Variants in SP4 observed in about 807,000 individuals in gnomAD.
SP4 encodes transcription factor Sp4.
Under a neutral mutation model 72.8 loss-of-function variants are expected in SP4, and 19 were observed. The ratio of observed to expected loss-of-function variants is 0.26; its 90% confidence interval spans 0.18 to 0.38. The LOEUF (loss-of-function observed/expected upper bound fraction) is 0.38. Among genes scored for constraint, SP4 ranks in the 10% least tolerant of loss-of-function variants. The pLI is 1.00. For synonymous variants in SP4, 395 were observed against 333.1 expected (o/e 1.19, Z -2.02); for missense variants, 1,008 against 926.3 (o/e 1.09, Z -1.14).
intron 3 of SP4, among the ~76,000 whole-genome samples, 186 bp downstream of exon 3, chr7:21,431,029 G>C (rs779744326): frequency 6.6e-6 from 1 of 152,014 alleles, no homozygotes; most frequent in Admixed American, 6.5e-5. Flanking sequence ...GTTCACTTTT[G>C]TAGATTTTAT....
chr7:21,497,661 A>G (rs544880066), intron 5 of SP4, among the ~76,000 whole-genome samples: 4 of 152,294 alleles, frequency 2.6e-5, no homozygotes, highest in Non-Finnish European at 5.9e-5. Context: ...TCTTTGTGAC[A>G]TGTTGAATGA....
intron 3 of SP4, among the ~76,000 whole-genome samples, chr7:21,445,982 ATGTGTATGTGTGTGTGTGTGTGTGTG>A (rs1783412036): frequency 9.9e-6 from 1 of 100,832 alleles, no homozygotes; most frequent in African/African-American, 4.1e-5. Context: ...TGTGTATCTT[ATGTGTATGTGTGTGTGTGTGTGTGTG>A]TGTGTGTGTG....
chr7:21,434,532 A>G (rs569980298), intron 3 of SP4, among the ~76,000 whole-genome samples: 21 of 152,328 alleles, frequency 1.4e-4, no homozygotes, highest in Admixed American at 2.6e-4. Context: ...TGTAGTAGGA[A>G]CTAAATATGT....
Position 21,514,185 on chromosome 7 carries a change from T to G in SP4, c.*2916T>G, listed in dbSNP as rs1160983990. The G allele has an allele frequency of 2.0e-5, 3 of 152,628 alleles. No individual in the cohort carries two copies. In the East Asian group the frequency reaches 5.8e-4, roughly 29 times the overall value. 9.5% of individuals were successfully genotyped at this position (152,628 alleles called of 1,614,324 possible). A position where few individuals can be genotyped will look rare whatever the true frequency, so the allele number is the denominator to read the frequency against. ...TGCTGATTACATTAGAACTTGATGT[T>G]AAGTCATTTATCACACTCTCATGAG... On this transcript the variant is annotated 3_prime_UTR_variant, in exon 6 of 6. Transcript: ENST00000222584.
chr7:21,452,227 C>A (rs1227631892), intron 3 of SP4, among the ~76,000 whole-genome samples: 6 of 152,152 alleles, frequency 3.9e-5, no homozygotes, highest in African/African-American at 1.2e-4. Context: ...GCAAAATAAG[C>A]TTTAGTTCTG....
intron 2 of SP4, among the ~76,000 whole-genome samples, chr7:21,429,076 T>G (rs996972558): frequency 6.6e-6 from 1 of 152,118 alleles, no homozygotes; most frequent in African/African-American, 2.4e-5. Context: ...GTAAAGAAAT[T>G]TCCTTTTATT....
At chr7:21,499,449 G>C (rs868433627) in intron 5 of SP4, among the ~76,000 whole-genome samples, 3 of 152,152 alleles carry the variant, frequency 2.0e-5, no homozygotes, top group African/African-American at 4.8e-5. Flanking sequence ...GAAGACACAG[G>C]GGAAAAGTCC....
At chr7:21,485,516 A>AG (rs1784791100) in intron 5 of SP4, among the ~76,000 whole-genome samples, 1 of 152,000 alleles carries the variant, frequency 6.6e-6, no homozygotes, top group African/African-American at 2.4e-5. Context: ...ACTGTCATGT[A>AG]TCTAAATCAT....
chr7:21,509,403 T>G (rs1782088063), intron 5 of SP4, among the ~76,000 whole-genome samples: 1 of 152,176 alleles, frequency 6.6e-6, no homozygotes, highest in Admixed American at 6.5e-5. Context: ...TTCTCTCTTT[T>G]ATAGTTTCTA....
intron 3 of SP4, among the ~76,000 whole-genome samples, chr7:21,435,502 G>A (rs1783020683): frequency 6.6e-6 from 1 of 152,088 alleles, no homozygotes; most frequent in Admixed American, 6.5e-5. Flanking sequence ...TACTAAAGGT[G>A]GAAAATTGGC....
At chr7:21,489,222 T>A (rs915186311) in intron 5 of SP4, among the ~76,000 whole-genome samples, 1 of 152,228 alleles carries the variant, frequency 6.6e-6, no homozygotes, top group African/African-American at 2.4e-5. Flanking sequence ...TCTGTAAAAT[T>A]CATTTGGGAA....
chr7:21,451,873 A>G (rs1272613366), intron 3 of SP4, among the ~76,000 whole-genome samples: 5 of 152,090 alleles, frequency 3.3e-5, no homozygotes, highest in Admixed American at 2.6e-4. Flanking sequence ...GAATTCTGAG[A>G]CTCCCAACAT....
chr7:21,478,802 G>T (rs114398621), intron 4 of SP4, among the ~76,000 whole-genome samples: 14,114 of 152,172 alleles, frequency 0.093, 1,372 homozygotes, highest in East Asian at 0.28. Flanking sequence ...GGGCGCAGTG[G>T]CTCACGCCTG....
rs762235421 is a variant in SP4 at position 21,471,082 on chromosome 7, G to C, written c.1679-5997G>C. The C allele has an allele frequency of 4.1e-5, 22 of 534,692 alleles. No homozygotes were observed. In the East Asian group the frequency reaches 1.1e-3, roughly 28 times the overall value. 33.1% of individuals were successfully genotyped at this position (534,692 alleles called of 1,614,324 possible). On this transcript the variant is annotated intron_variant, in intron 3 of 5. Coordinates refer to ENST00000222584, the MANE Select transcript of SP4 (RefSeq NM_003112.5). Reference sequence around the variant, plus strand: ...TATTATTCAAATGCTCGGAGACACAGAACATTAGAGAAGACAGGAGTTCAC... The same window carrying C: ...TATTATTCAAATGCTCGGAGACACACAACATTAGAGAAGACAGGAGTTCAC...
At chr7:21,453,141 AG>A (rs1783653120) in intron 3 of SP4, among the ~76,000 whole-genome samples, 1 of 152,238 alleles carries the variant, frequency 6.6e-6, no homozygotes, top group Non-Finnish European at 1.5e-5. Context: ...ACAAAGAATT[AG>A]CAATGTTTTA....
At chr7:21,437,131 A>C (rs530844080) in intron 3 of SP4, among the ~76,000 whole-genome samples, 12 of 152,192 alleles carry the variant, frequency 7.9e-5, no homozygotes, top group Non-Finnish European at 1.6e-4. Context: ...ATTTGGCATG[A>C]ATAACACCTC....
At position 21,511,241 on chromosome 7, in the gene SP4, A is replaced by G. The variant is rs199896637; in HGVS notation, c.2327A>G (p.Asn776Ser). ...CAAGATTCGAATCCAGCAACTCCCA[A>G]TGTTTCAACCAACATGGAAGAATTC... ...ISQDSNPATP[N>S]VSTNMEEF Residue 776 changes from asparagine (N) to serine (S), a missense_variant, in exon 6 of 6, where the codon AAT (asparagine) becomes AGT (serine). Physicochemically the swap from Asn to Ser is conservative, Grantham distance 46 (BLOSUM62 1). This residue lies in a region of SP4 where 67 missense variants were observed against 66.1 expected (regional missense o/e 1.01). Transcript: ENST00000222584. 5.9e-5 allele frequency: 95 copies of G among 1,614,182 alleles called. No homozygotes were observed. The Admixed American group carries it at 1.0e-3, about 17-fold the overall frequency.
At chr7:21,458,224 A>T (rs533684245) in intron 3 of SP4, among the ~76,000 whole-genome samples, 1 of 151,930 alleles carries the variant, frequency 6.6e-6, no homozygotes, top group East Asian at 1.9e-4. Flanking sequence ...ATGGAGTCTC[A>T]CTCTGTTGCC....
intron 3 of SP4, among the ~76,000 whole-genome samples, chr7:21,458,318 G>A (rs1212710864): frequency 1.3e-5 from 2 of 152,016 alleles, no homozygotes; most frequent in South Asian, 2.1e-4. Flanking sequence ...CCAGCCTCCC[G>A]AGTAGCTGGG....
Sources: gnomAD v4.1 joint callset for allele counts (sites outside exome capture counted in the v4.1 genomes callset) on GRCh38, gnomAD v4.1.1 for gene constraint, gnomAD v4.1.1 regional missense constraint, MANE v1.5 for transcripts, NCBI Gene and HGNC (gene_info 2026-07-23, HGNC 2026-07-21) for gene names.